Variants in GFI1 observed in about 807,000 individuals in gnomAD.
GFI1 encodes zinc finger protein Gfi-1.
In GFI1, 15 loss-of-function variants were observed where a neutral mutation model predicts 39.2. The observed-to-expected ratio is 0.38, with a 90% CI of 0.26 to 0.59. The LOEUF (loss-of-function observed/expected upper bound fraction) is 0.59, where lower values mean the gene tolerates loss of function less well. GFI1 is among the 20% of genes least tolerant of loss of function. The pLI, the probability that GFI1 is intolerant of heterozygous loss-of-function variation, is 0.62. For synonymous variants in GFI1, 239 were observed against 254.3 expected (o/e 0.94, Z 0.57); for missense variants, 475 against 574.0 (o/e 0.83, Z 1.76).
rs561781510 is a variant in GFI1 at position 92,473,116 on chromosome 1, G to A, written c.*2913C>T. 1.3e-5 allele frequency among the ~76,000 whole-genome samples: 2 copies of A among 151,284 alleles called. No homozygotes were observed. The highest frequency in any genetic ancestry group is 4.2e-4 in the South Asian group (2 of 4,774). Reference sequence around the variant, plus strand: ...TATTTGCAATCTTCAAATTTCACACGGTAACAGGCACAGTAATTTGTTTTG... The same window carrying A: ...TATTTGCAATCTTCAAATTTCACACAGTAACAGGCACAGTAATTTGTTTTG... On this transcript the variant is annotated 3_prime_UTR_variant, in exon 7 of 7. Transcript: ENST00000294702.
chr1:92,483,692 G>T (rs1019755675), intron 1 of GFI1, 106 bp from the exon 2 acceptor site: 10 of 621,126 alleles, frequency 1.6e-5, no homozygotes, highest in Admixed American at 1.2e-4. Context: ...GCGCGCAGAG[G>T]GCCCACGGGA....
Position 92,481,959 on chromosome 1 carries a change from A to ACACAC in GFI1, c.299-872_299-871insGTGTG, listed in dbSNP as rs142757010. 6.5e-4 allele frequency among the ~76,000 whole-genome samples: 98 copies of ACACAC among 150,726 alleles called. No individual in the cohort carries two copies. Among genetic ancestry groups the ACACAC allele is most frequent in the South Asian group, 4.0e-3 (19 of 4,758 alleles). ...AATGTGTGTGTGTGTGTGTGCGCAC[A>ACACAC]ACACTCCAGTTCAGGCTGGCCACTT... On this transcript the variant is annotated intron_variant, in intron 3 of 6. Transcript: ENST00000294702. This position sits in a 1 kb window ranked among gnomAD's most constrained non-coding sequence, Gnocchi z 4.3.
At chr1:92,485,316 G>A (rs1433517282) in intron 1 of GFI1, among the ~76,000 whole-genome samples, 1 of 152,216 alleles carries the variant, frequency 6.6e-6, no homozygotes, top group East Asian at 1.9e-4. Flanking sequence ...AAACAGCCAC[G>A]AAACTCGGAA....
intron 2 of GFI1, 34 bp downstream of exon 2, chr1:92,483,339 G>T: frequency 8.2e-7 from 1 of 1,221,384 alleles, no homozygotes; most frequent in Non-Finnish European, 1.2e-6. Flanking sequence ...GCATCCGGGG[G>T]AGCAGCCCCG....
At position 92,473,386 on chromosome 1, in the gene GFI1, C is replaced by G. The variant is rs1212976166; in HGVS notation, c.*2643G>C. On this transcript the variant is annotated 3_prime_UTR_variant, in exon 7 of 7. Coordinates refer to ENST00000294702, the MANE Select transcript of GFI1 (RefSeq NM_005263.5). ...CCAGGTTGGAAATAACCAACCAGTACACAGGGTGACTTCTGTGGGAAGGAT... is the reference window on the plus strand; with the variant it reads ...CCAGGTTGGAAATAACCAACCAGTAGACAGGGTGACTTCTGTGGGAAGGAT... Among the ~76,000 whole-genome samples the G allele has an allele frequency of 6.6e-6, 1 of 152,146 alleles. No homozygotes were observed. The highest frequency in any genetic ancestry group is 1.9e-4 in the East Asian group (1 of 5,202).
chr1:92,477,693 G>A (rs1488074077), intron 6 of GFI1, among the ~76,000 whole-genome samples: 1 of 152,196 alleles, frequency 6.6e-6, no homozygotes, highest in Admixed American at 6.5e-5. Flanking sequence ...AGGATGGTAA[G>A]AGCAGCTCCT....
chr1:92,474,615 C>T lies in GFI1; in HGVS notation c.*1414G>A, dbSNP rs1173773676. On this transcript the variant is annotated 3_prime_UTR_variant, in exon 7 of 7. Coordinates refer to ENST00000294702, the MANE Select transcript of GFI1 (RefSeq NM_005263.5). ...GCAAAGGAGAAAGTATATGGAAACC[C>T]GAGCAATTGGATTTTACTCTTCTGG... The T allele has an allele frequency of 2.0e-5, 3 of 152,522 alleles. No individual in the cohort carries two copies. The highest frequency in any genetic ancestry group is 2.1e-4 in the South Asian group (1 of 4,818). The allele number at this position is 152,522 out of a possible 1,614,324, so 9.4% of individuals were successfully genotyped here. A position where few individuals can be genotyped will look rare whatever the true frequency, so the allele number is the denominator to read the frequency against.
At chr1:92,476,385 C>G (rs1657978386) in intron 6 of GFI1, among the ~76,000 whole-genome samples, 178 bp from the exon 7 acceptor site, 1 of 152,300 alleles carries the variant, frequency 6.6e-6, no homozygotes, top group East Asian at 1.9e-4. Context: ...ATGCGAGTCC[C>G]TGGAAGCACC....
rs773178468 is a variant in GFI1 at position 92,480,893 on chromosome 1, G to T, written c.494C>A (p.Ala165Asp). The T allele has an allele frequency of 8.4e-6, 13 of 1,541,488 alleles. No individual in the cohort carries two copies. The highest frequency in any genetic ancestry group is 1.1e-5 in the Non-Finnish European group (13 of 1,142,736). ...AGCCCGCTTCGGGCCGTACAGCGCG[G>T]CCGGGTGGCCAGGCTCCGGGGCGGG... ...CEPAPEPGHP[A>D]ALYGPKRAAG... The change falls in exon 4 of 7, where the codon GCC becomes GAC. Residue 165 changes from alanine to aspartate, a missense_variant. Ala to Asp is a moderately radical substitution (Grantham distance 126). Coordinates refer to ENST00000294702, the MANE Select transcript of GFI1 (RefSeq NM_005263.5). This position sits in a 1 kb window ranked among gnomAD's most constrained non-coding sequence, Gnocchi z 5.6.
chr1:92,480,679 G>C lies in GFI1; in HGVS notation c.708C>G (p.Gly236=). ...ACAGCAGCTCCGACTCCACCTTGAC[G>C]CCAGCGCCCTTGTCTGCGTGCAGCC... ...GHGLHADKGA[G]VKVESELLCT... Residue 236 remains glycine, a synonymous_variant, in exon 4 of 7, where the codon GGC becomes GGG. Coordinates refer to ENST00000294702, the MANE Select transcript of GFI1 (RefSeq NM_005263.5). This position sits in a 1 kb window ranked among gnomAD's most constrained non-coding sequence, Gnocchi z 5.6. 1.9e-6 allele frequency: 3 copies of C among 1,596,086 alleles called. No individual in the cohort carries two copies. Among genetic ancestry groups the C allele is most frequent in the Non-Finnish European group, 2.5e-6 (3 of 1,177,878 alleles).
chr1:92,484,087 C>T lies in GFI1; in HGVS notation c.-99-501G>A, dbSNP rs1470852294. The T allele has an allele frequency of 5.6e-6, 1 of 179,778 alleles. No homozygotes were observed. Among genetic ancestry groups the T allele is most frequent in the Non-Finnish European group, 1.2e-5 (1 of 84,142 alleles). 11.1% of individuals were successfully genotyped at this position (179,778 alleles called of 1,614,324 possible). A position where few individuals can be genotyped will look rare whatever the true frequency, so the allele number is the denominator to read the frequency against. On this transcript the variant is annotated intron_variant, in intron 1 of 6. Transcript: ENST00000294702. This position sits in a 1 kb window ranked among gnomAD's most constrained non-coding sequence, Gnocchi z 4.1. ...AGGAGCCAAGACCTCCAAGAGCCAG[C>T]TACCAACTGGAGTGAAAGGACCGGG...
At position 92,480,334 on chromosome 1, in the gene GFI1, C is replaced by T. The variant is rs1007325566; in HGVS notation, c.924+14G>A. ...CCGAGCAGGGCCGCGCGCGGCGGTG[C>T]GCCCCGCGCTTACCTGCGAGTGCAC... On this transcript the variant is annotated intron_variant, in intron 5 of 6. Transcript: ENST00000294702. The surrounding 1 kb of genome is among the most constrained non-coding windows in gnomAD (Gnocchi z 5.6). 69 of 1,546,058 alleles carry T rather than the reference C, an allele frequency of 4.5e-5. 1 individual carries two copies. The highest frequency in any genetic ancestry group is 5.5e-5 in the Non-Finnish European group (63 of 1,146,252).
In GFI1 at chr1:92,478,757, CAGAGAG is replaced by C. The variant is rs35896485; in HGVS notation, c.925-10_925-5del. ...TCTTACAGTCAAAGCTCCGTTCCTG[CAGAGAG>C]AGAGAGAGAGAGAGAGAGAGAGAGA... is the stretch of plus-strand genomic sequence containing the variant. On this transcript the variant is annotated splice_polypyrimidine_tract_variant and splice_region_variant and intron_variant, in intron 5 of 6. Transcript: ENST00000294702. 168,982 of 1,516,400 alleles carry C rather than the reference CAGAGAG, an allele frequency of 0.11. 1,297 individuals carry two copies. Among genetic ancestry groups the C allele is most frequent in the Middle Eastern group, 0.13 (591 of 4,442 alleles). 93.9% of individuals were successfully genotyped at this position (1,516,400 alleles called of 1,614,324 possible). A position where few individuals can be genotyped will look rare whatever the true frequency, so the allele number is the denominator to read the frequency against.
chr1:92,480,714 G>T lies in GFI1; in HGVS notation c.673C>A (p.Arg225Ser). ...TAAAGLLYPE[R>S]GHGLHADKGA... Reference sequence around the variant, plus strand: ...TTGTCTGCGTGCAGCCCGTGGCCACGCTCGGGGTACAGCAAGCCCGCCGCT... The same window carrying T: ...TTGTCTGCGTGCAGCCCGTGGCCACTCTCGGGGTACAGCAAGCCCGCCGCT... Residue 225 changes from arginine to serine, a missense_variant, in exon 4 of 7, where the codon CGT (arginine) becomes AGT (serine). This residue lies in a region of GFI1 where 79 missense variants were observed against 68.4 expected (regional missense o/e 1.15). Transcript: ENST00000294702. The surrounding 1 kb of genome is among the most constrained non-coding windows in gnomAD (Gnocchi z 5.6). 1 of 1,595,518 alleles carries T rather than the reference G, an allele frequency of 6.3e-7. No homozygotes were observed. Among genetic ancestry groups the T allele is most frequent in the Non-Finnish European group, 8.5e-7 (1 of 1,177,426 alleles).
intron 1 of GFI1, among the ~76,000 whole-genome samples, chr1:92,486,409 G>C (rs1658529307): frequency 6.6e-6 from 1 of 152,186 alleles, no homozygotes; most frequent in Non-Finnish European, 1.5e-5. Context: ...TGGCTCCAGG[G>C]AGACTTCCGC....
At position 92,483,594 on chromosome 1, in the gene GFI1, G is replaced by A; in HGVS notation, c.-99-8C>T. 1.4e-6 allele frequency: 1 copy of A among 734,650 alleles called. No individual in the cohort carries two copies. 45.5% of individuals were successfully genotyped at this position (734,650 alleles called of 1,614,324 possible). ...CCCCAGCCCGGAGGAGACCTGAGAG[G>A]GAAAGAAAACCAGGTGGAGACGTGG... On this transcript the variant is annotated splice_polypyrimidine_tract_variant and splice_region_variant and intron_variant, in intron 1 of 6. Coordinates refer to ENST00000294702, the MANE Select transcript of GFI1 (RefSeq NM_005263.5).
rs1657828141 is a variant in GFI1 at position 92,473,724 on chromosome 1, T to G, written c.*2305A>C. On this transcript the variant is annotated 3_prime_UTR_variant, in exon 7 of 7. Coordinates refer to ENST00000294702, the MANE Select transcript of GFI1 (RefSeq NM_005263.5). The stretch of plus-strand genomic sequence containing the variant: ...GTTTCCCAGGCTGTCAAGCAATCTC[T>G]CTTCCCTTTGTGCTGTAGAGAGCAG... 6.6e-6 allele frequency among the ~76,000 whole-genome samples: 1 copy of G among 152,182 alleles called. No individual in the cohort carries two copies. The highest frequency in any genetic ancestry group is 1.5e-5 in the Non-Finnish European group (1 of 68,036).
chr1:92,479,715 T>TA (rs1658131464), intron 5 of GFI1, among the ~76,000 whole-genome samples: 1 of 152,152 alleles, frequency 6.6e-6, no homozygotes, highest in South Asian at 2.1e-4. Flanking sequence ...AGCTGTGCTG[T>TA]AGTGGCATGC....
At chr1:92,485,894 T>A (rs2101589027) in intron 1 of GFI1, 1 of 152,168 alleles carries the variant, frequency 6.6e-6, no homozygotes, top group African/African-American at 2.4e-5. Flanking sequence ...CGCACGGCGG[T>A]CCGCAGCAGG....
Sources: gnomAD v4.1 joint callset for allele counts (sites outside exome capture counted in the v4.1 genomes callset) on GRCh38, gnomAD v4.1.1 for gene constraint, gnomAD v4.1.1 regional missense constraint, Gnocchi (gnomAD v3.1) non-coding constraint, MANE v1.5 for transcripts, NCBI Gene and HGNC (gene_info 2026-07-23, HGNC 2026-07-21) for gene names.